Variants in DDX10 observed in about 807,000 individuals in gnomAD.
DDX10 encodes the protein DEAD-box helicase 10.
In DDX10, 74 loss-of-function variants were observed where a neutral mutation model predicts 104.3. The observed-to-expected ratio is 0.71, with a 90% CI of 0.59 to 0.86. The LOEUF is 0.86. Among genes scored for constraint, DDX10 ranks in the 40% least tolerant of loss-of-function variants. The pLI is 0.00. For missense variants in DDX10, 952 were observed against 1,040.0 expected (o/e 0.92, Z 1.16); for synonymous variants, 351 against 353.4 (o/e 0.99, Z 0.08).
chr11:108,791,407 C>T (rs2134548458), intron 13 of DDX10, among the ~76,000 whole-genome samples: 1 of 152,298 alleles, frequency 6.6e-6, no homozygotes, highest in Non-Finnish European at 1.5e-5. Context: ...CATTTGTATT[C>T]AAAGTGATTA....
chr11:108,780,252 A>G (rs2094376397), intron 13 of DDX10, among the ~76,000 whole-genome samples: 1 of 152,204 alleles, frequency 6.6e-6, no homozygotes, highest in African/African-American at 2.4e-5. Context: ...ATGAGTATGA[A>G]TAGAGCACAG....
chr11:108,691,903 C>G lies in DDX10; in HGVS notation c.1003C>G (p.Arg335Gly). ...CCAGTATCTGTACCGAGTGTTTTGC[C>G]GGCTACGTCCTGGTGTTTCTATCCT... ...EVQYLYRVFC[R>G]LRPGVSILAL... The change falls in exon 8 of 18, where the codon CGG (arginine) becomes GGG (glycine). Residue 335 changes from arginine (R) to glycine (G), a missense_variant. Arg to Gly is a moderately radical substitution (Grantham distance 125). Transcript: ENST00000322536. 1 of 1,613,960 alleles carries G rather than the reference C, an allele frequency of 6.2e-7. No homozygotes were observed. Among genetic ancestry groups the G allele is most frequent in the East Asian group, 2.2e-5 (1 of 44,882 alleles).
In DDX10 at chr11:108,827,253, A is replaced by C. The variant is rs183182270; in HGVS notation, c.1966-11193A>C. On this transcript the variant is annotated intron_variant, in intron 13 of 17. Transcript: ENST00000322536. Reference sequence around the variant, plus strand: ...TGTCATACATTGGGGATACAGATAGAATAAAAATTGTCTTAACTCTCATGG... The same window carrying C: ...TGTCATACATTGGGGATACAGATAGCATAAAAATTGTCTTAACTCTCATGG... Among the ~76,000 whole-genome samples the C allele has an allele frequency of 2.2e-4, 33 of 152,356 alleles. No individual in the cohort carries two copies. In the East Asian group the frequency reaches 6.0e-3, roughly 28 times the overall value.
At chr11:108,677,918 A>G (rs1283979411) in intron 4 of DDX10, among the ~76,000 whole-genome samples, 1 of 151,958 alleles carries the variant, frequency 6.6e-6, no homozygotes, top group East Asian at 1.9e-4. Flanking sequence ...GGCTTTTTTC[A>G]GTTCACAAAG....
At chr11:108,848,248 T>C (rs1162816572) in intron 15 of DDX10, among the ~76,000 whole-genome samples, 2 of 152,184 alleles carry the variant, frequency 1.3e-5, no homozygotes, top group African/African-American at 4.8e-5. Flanking sequence ...TATGTACATA[T>C]ACTAGTGCCA....
intron 6 of DDX10, among the ~76,000 whole-genome samples, chr11:108,686,154 C>T (rs748071743): frequency 2.0e-4 from 31 of 152,188 alleles, no homozygotes; most frequent in Non-Finnish European, 2.8e-4. Context: ...AGATTTGCCA[C>T]ATACCTGCTG....
chr11:108,825,644 T>C (rs1176655336), intron 13 of DDX10, among the ~76,000 whole-genome samples: 6 of 152,178 alleles, frequency 3.9e-5, no homozygotes, highest in Non-Finnish European at 8.8e-5. Flanking sequence ...TTAAGATCAC[T>C]TAAAAATGAA....
intron 10 of DDX10, among the ~76,000 whole-genome samples, chr11:108,708,281 G>A (rs1417236346): frequency 1.4e-5 from 2 of 139,412 alleles, no homozygotes; most frequent in Non-Finnish European, 1.5e-5. Flanking sequence ...TTTAAAATCT[G>A]ATGAGATCAT....
chr11:108,675,822 G>C, intron 3 of DDX10, 96 bp downstream of exon 3: 1 of 1,442,618 alleles, frequency 6.9e-7, no homozygotes, highest in Non-Finnish European at 9.5e-7. Flanking sequence ...TTTCATGTTA[G>C]ATTTCATGAT....
At chr11:108,851,444 A>T (rs1255483844) in intron 15 of DDX10, among the ~76,000 whole-genome samples, 1 of 152,090 alleles carries the variant, frequency 6.6e-6, no homozygotes, top group African/African-American at 2.4e-5. Context: ...CCATTAACTT[A>T]TTTTTCCCCA....
chr11:108,775,411 A>G (rs923289075), intron 13 of DDX10, among the ~76,000 whole-genome samples: 1 of 152,168 alleles, frequency 6.6e-6, no homozygotes, highest in African/African-American at 2.4e-5. Flanking sequence ...CCGTCTGTTC[A>G]ATTTGGGAGT....
intron 17 of DDX10, among the ~76,000 whole-genome samples, chr11:108,933,443 A>C (rs1863999678): frequency 6.6e-6 from 1 of 152,206 alleles, no homozygotes; most frequent in South Asian, 2.1e-4. Flanking sequence ...TCAGTACTTC[A>C]TTGAGGGTTA....
At chr11:108,906,915 G>A (rs148506928) in intron 16 of DDX10, among the ~76,000 whole-genome samples, 261 of 152,278 alleles carry the variant, frequency 1.7e-3, no homozygotes, top group Middle Eastern at 0.01. Context: ...TTAAAATGCT[G>A]AATCAGAGTC....
chr11:108,869,157 C>T lies in DDX10; in HGVS notation c.2304+16948C>T, dbSNP rs989195652. ...TTACTTGTATATTAAAAGCCATGCACACAATTCTAAACTCTGGTTCTTTCA... is the reference window on the plus strand; with the variant it reads ...TTACTTGTATATTAAAAGCCATGCATACAATTCTAAACTCTGGTTCTTTCA... On this transcript the variant is annotated intron_variant, in intron 16 of 17. Transcript: ENST00000322536. 5.3e-5 allele frequency among the ~76,000 whole-genome samples: 8 copies of T among 151,234 alleles called. No individual in the cohort carries two copies. The South Asian group carries it at 1.7e-3, about 32-fold the overall frequency.
intron 13 of DDX10, among the ~76,000 whole-genome samples, chr11:108,787,351 G>T (rs531735818): frequency 6.6e-6 from 1 of 151,982 alleles, no homozygotes; most frequent in Admixed American, 6.6e-5. Context: ...AGTATCTCGC[G>T]TGGGTTCTCT....
At chr11:108,761,371 T>C (rs1261105383) in intron 13 of DDX10, among the ~76,000 whole-genome samples, 1 of 152,162 alleles carries the variant, frequency 6.6e-6, no homozygotes, top group Admixed American at 6.6e-5. Context: ...AAATTTTTTT[T>C]GTGTGGCCTA....
intron 16 of DDX10, among the ~76,000 whole-genome samples, chr11:108,867,428 C>G (rs1863021140): frequency 6.6e-6 from 1 of 152,092 alleles, no homozygotes; most frequent in Admixed American, 6.6e-5. Context: ...GTTGGTTGTT[C>G]AATTTAGGCC....
Position 108,917,798 on chromosome 11 carries a change from G to A in DDX10, c.2305-75G>A, listed in dbSNP as rs1863770044. On this transcript the variant is annotated intron_variant, in intron 16 of 17. Transcript: ENST00000322536. The stretch of plus-strand genomic sequence containing the variant: ...GATGTCAATTAGAGGGATATCCATT[G>A]GGGTCTGCAAATAAAACCTGATTAT... The A allele has an allele frequency of 4.8e-6, 7 of 1,453,842 alleles. 1 individual carries two copies. In the South Asian group the frequency reaches 7.5e-5, roughly 16 times the overall value. 90.1% of individuals were successfully genotyped at this position (1,453,842 alleles called of 1,614,324 possible).
intron 13 of DDX10, among the ~76,000 whole-genome samples, chr11:108,738,903 G>T (rs990402382): frequency 6.6e-6 from 1 of 152,156 alleles, no homozygotes; most frequent in Non-Finnish European, 1.5e-5. Context: ...GGGGCCACAT[G>T]GAGACAGGCC....
Sources: gnomAD v4.1 joint callset for allele counts (sites outside exome capture counted in the v4.1 genomes callset) on GRCh38, gnomAD v4.1.1 for gene constraint, MANE v1.5 for transcripts, NCBI Gene and HGNC (gene_info 2026-07-23, HGNC 2026-07-21) for gene names.